Variants in TTC7A observed in about 807,000 individuals in gnomAD.
TTC7A encodes the protein tetratricopeptide repeat domain 7A, also known as tetratricopeptide repeat protein 7A.
A neutral mutation model predicts 103.7 loss-of-function variants in TTC7A; 110 were observed. That is an observed-to-expected ratio of 1.06 (90% confidence interval 0.91 to 1.24). The LOEUF is 1.24. TTC7A is among the 50% of genes most tolerant of loss of function. TTC7A has a pLI of 0.00. For synonymous variants in TTC7A, 521 were observed against 467.9 expected, an observed-to-expected ratio of 1.11 and a Z score of -1.47; for missense variants, 1,340 against 1,116.3, an observed-to-expected ratio of 1.20 and a Z score of -2.86.
chr2:46,949,160 A>G (rs1671190369), intron 1 of TTC7A, among the ~76,000 whole-genome samples: 1 of 152,226 alleles, frequency 6.6e-6, no homozygotes, highest in African/African-American at 2.4e-5. Context: ...TGCTGTAGGT[A>G]GCAGGAATCT....
At chr2:47,034,522 C>T (rs939052141) in intron 15 of TTC7A, among the ~76,000 whole-genome samples, 2 of 152,138 alleles carry the variant, frequency 1.3e-5, no homozygotes, top group Admixed American at 6.5e-5. Flanking sequence ...GTAACAAATT[C>T]CTTGGGCTTT....
chr2:47,062,444 A>G (rs568154800), intron 19 of TTC7A, among the ~76,000 whole-genome samples: 2 of 152,346 alleles, frequency 1.3e-5, no homozygotes, highest in South Asian at 4.1e-4. Context: ...CCTTCCAGTC[A>G]GCTCAGCAAA....
At chr2:47,054,849 AAGTC>A (rs1473981010) in intron 18 of TTC7A, among the ~76,000 whole-genome samples, 4 of 151,670 alleles carry the variant, frequency 2.6e-5, no homozygotes, top group Admixed American at 6.6e-5. Context: ...AAAAAAAAAA[AAGTC>A]AGGGGATCTA....
In TTC7A at chr2:47,021,774, T is replaced by G. The variant is rs199554408; in HGVS notation, c.1393-88T>G. On this transcript the variant is annotated intron_variant, in intron 11 of 19. Transcript: ENST00000319190. ...GCCCTGTGACCTTGAGCACAAGGCT[T>G]CTGTTTCGGGAACAGGTCCAGGGAG... 1.3e-3 allele frequency: 1,284 copies of G among 1,019,308 alleles called. 1 individual carries two copies. Among genetic ancestry groups the G allele is most frequent in the Non-Finnish European group, 1.8e-3 (1,166 of 654,712 alleles). 63.1% of individuals were successfully genotyped at this position (1,019,308 alleles called of 1,614,324 possible).
chr2:46,942,054 GT>G (rs1302697320), intron 1 of TTC7A, among the ~76,000 whole-genome samples: 1 of 152,218 alleles, frequency 6.6e-6, no homozygotes, highest in Non-Finnish European at 1.5e-5. Flanking sequence ...CGGTCCGAGG[GT>G]GGGGTGTCCC....
chr2:47,055,871 C>T (rs1683271856), intron 18 of TTC7A, among the ~76,000 whole-genome samples: 1 of 152,120 alleles, frequency 6.6e-6, no homozygotes, highest in African/African-American at 2.4e-5. Flanking sequence ...ATGATGAAGC[C>T]ATAGTCCAGG....
At chr2:47,030,715 TC>T in intron 15 of TTC7A, among the ~76,000 whole-genome samples, 1 of 152,136 alleles carries the variant, frequency 6.6e-6, no homozygotes, top group Middle Eastern at 3.4e-3. Flanking sequence ...CCCCGCCTGT[TC>T]CCCCTCCATC....
chr2:46,923,166 G>C (rs1669194240), intron 2 of TTC7A, among the ~76,000 whole-genome samples: 1 of 152,142 alleles, frequency 6.6e-6, no homozygotes, highest in Non-Finnish European at 1.5e-5. Flanking sequence ...TCAGCTCTCT[G>C]GAAGCTCTCC....
intron 8 of TTC7A, among the ~76,000 whole-genome samples, chr2:46,995,906 G>A (rs1013964828): frequency 2.0e-5 from 3 of 152,224 alleles, no homozygotes; most frequent in African/African-American, 7.2e-5. Context: ...ATGTCCACGC[G>A]TGAATGCTAT....
intron 12 of TTC7A, 91 bp downstream of exon 12, chr2:47,022,070 C>G (rs1473502215): frequency 1.1e-6 from 1 of 887,144 alleles, no homozygotes; most frequent in East Asian, 2.5e-5. Context: ...GCACCCCTCC[C>G]CTCAGGCCAT....
rs1386416073 is a variant in TTC7A, at chr2:46,941,301, C to T, written c.-241C>T. 2 of 182,736 alleles carry T rather than the reference C, an allele frequency of 1.1e-5. No individual in the cohort carries two copies. Among genetic ancestry groups the T allele is most frequent in the Non-Finnish European group, 2.2e-5 (2 of 91,426 alleles). The allele number at this position is 182,736 out of a possible 1,614,324, so 11.3% of individuals were successfully genotyped here. A position where few individuals can be genotyped will look rare whatever the true frequency, so the allele number is the denominator to read the frequency against. On this transcript the variant is annotated 5_prime_UTR_variant, in exon 1 of 20. Transcript: ENST00000319190. The surrounding 1 kb of genome is among the most constrained non-coding windows in gnomAD (Gnocchi z 4.2). ...CAGAGGCGGAGGTTGCTCCTGTACG[C>T]GTACGGGCCGCTCGGCCGGAGCCGC...
At chr2:47,055,972 C>T (rs1198993366) in intron 18 of TTC7A, among the ~76,000 whole-genome samples, 2 of 152,208 alleles carry the variant, frequency 1.3e-5, no homozygotes, top group Admixed American at 6.5e-5. Context: ...GTGCCTTCTT[C>T]CCACGTCCTC....
intron 15 of TTC7A, among the ~76,000 whole-genome samples, chr2:47,031,161 G>C (rs1228124790): frequency 1.3e-5 from 2 of 152,214 alleles, no homozygotes; most frequent in Non-Finnish European, 2.9e-5. Context: ...AAGAAAGAGA[G>C]AGAGACTGCT....
At chr2:46,999,658 G>A (rs915381605) in intron 8 of TTC7A, 4 of 985,274 alleles carry the variant, frequency 4.1e-6, no homozygotes, top group African/African-American at 1.7e-5. Context: ...AACCTCAAAC[G>A]TAAATTCTTG....
At chr2:47,036,624 A>C (rs1411711059) in intron 15 of TTC7A, among the ~76,000 whole-genome samples, 2 of 152,180 alleles carry the variant, frequency 1.3e-5, no homozygotes, top group Non-Finnish European at 2.9e-5. Context: ...TGGGAGGCCA[A>C]GGCAGGAAGA....
At chr2:46,981,396 T>C (rs534846407) in intron 5 of TTC7A, among the ~76,000 whole-genome samples, 1 of 152,062 alleles carries the variant, frequency 6.6e-6, no homozygotes, top group Non-Finnish European at 1.5e-5. Flanking sequence ...AGCTCAGAGC[T>C]ATGTGGGGCT....
At chr2:47,024,025 C>T (rs1679599169) in intron 13 of TTC7A, among the ~76,000 whole-genome samples, 1 of 151,206 alleles carries the variant, frequency 6.6e-6, no homozygotes, top group Non-Finnish European at 1.5e-5. Context: ...GGTCTGTCAC[C>T]CCAGGGCTGC....
At chr2:46,949,989 C>T (rs564561437) in intron 1 of TTC7A, among the ~76,000 whole-genome samples, 8 of 152,094 alleles carry the variant, frequency 5.3e-5, no homozygotes, top group Non-Finnish European at 8.8e-5. Flanking sequence ...TTTTTCTCTT[C>T]AATCATTTGG....
At chr2:46,922,077 T>G (rs1451960475) in intron 2 of TTC7A, among the ~76,000 whole-genome samples, 2 of 152,230 alleles carry the variant, frequency 1.3e-5, no homozygotes, top group East Asian at 3.8e-4. Context: ...GGAAAGCTGA[T>G]TAGCTGGCAT....
Sources: gnomAD v4.1 joint callset for allele counts (sites outside exome capture counted in the v4.1 genomes callset) on GRCh38, gnomAD v4.1.1 for gene constraint, Gnocchi (gnomAD v3.1) non-coding constraint, MANE v1.5 for transcripts, NCBI Gene and HGNC (gene_info 2026-07-23, HGNC 2026-07-21) for gene names.